Variants in CPNE8 observed in about 807,000 individuals in gnomAD.
CPNE8 encodes copine-8.
CPNE8 carries 45 observed loss-of-function variants against 81.5 expected under a neutral mutation model. The ratio of observed to expected loss-of-function variants is 0.55; its 90% CI spans 0.44 to 0.71. CPNE8 has a LOEUF of 0.71. Ranked by LOEUF, CPNE8 falls within the 30% of genes least tolerant of loss-of-function variation. The pLI is 0.00. For synonymous variants in CPNE8, 252 were observed against 226.3 expected, an observed-to-expected ratio of 1.11 and a Z score of -1.02; for missense variants, 594 against 672.1, an observed-to-expected ratio of 0.88 and a Z score of 1.28.
chr12:38,732,233 C>T (rs964721), intron 10 of CPNE8, among the ~76,000 whole-genome samples: 145,358 of 151,952 alleles, frequency 0.96, 69,690 homozygotes, highest in East Asian at 1. Context: ...ACTTAATTTC[C>T]GCCACACAAT....
At chr12:38,710,268 C>CAAAAAAAAAAAAAAAA (rs57376063) in intron 13 of CPNE8, among the ~76,000 whole-genome samples, 35 of 50,280 alleles carry the variant, frequency 7.0e-4, no homozygotes, top group East Asian at 1.3e-3. Context: ...AATAAGCTAA[C>CAAAAAAAAAAAAAAAA]AAAAAAAAAA....
intron 6 of CPNE8, among the ~76,000 whole-genome samples, chr12:38,799,552 T>C (rs946372288): frequency 1.3e-5 from 2 of 151,658 alleles, no homozygotes; most frequent in African/African-American, 4.8e-5. Context: ...AAGCAGTGTG[T>C]AGAGGGAAAT....
intron 11 of CPNE8, among the ~76,000 whole-genome samples, chr12:38,727,389 A>G (rs1166823901): frequency 6.6e-6 from 1 of 152,202 alleles, no homozygotes; most frequent in Non-Finnish European, 1.5e-5. Context: ...GAATATGGTA[A>G]TTATCCTGAT....
chr12:38,829,053 C>T (rs1325722850), intron 6 of CPNE8, among the ~76,000 whole-genome samples: 1 of 152,146 alleles, frequency 6.6e-6, no homozygotes, highest in Non-Finnish European at 1.5e-5. Context: ...CAGTTTACTA[C>T]ATATATTTAC....
intron 13 of CPNE8, among the ~76,000 whole-genome samples, chr12:38,720,438 C>T (rs1290143345): frequency 2.0e-5 from 3 of 151,996 alleles, no homozygotes; most frequent in East Asian, 1.9e-4. Context: ...AGATTTGCAC[C>T]GCTGACCGAA....
rs562607605 is a variant in CPNE8, at chr12:38,659,707, A to G, written c.1507-5637T>C. Among the ~76,000 whole-genome samples, 143 of 152,338 alleles carry G rather than the reference A, an allele frequency of 9.4e-4. 1 individual carries two copies. Among genetic ancestry groups the G allele is most frequent in the African/African-American group, 3.2e-3 (133 of 41,588 alleles). The stretch of plus-strand genomic sequence containing the variant: ...ATCACAACAAACTCTCTCTCAGACC[A>G]CAGTGCAATCAAATTAGAACTCAGG... On this transcript the variant is annotated intron_variant, in intron 19 of 19. Coordinates refer to ENST00000331366, the MANE Select transcript of CPNE8 (RefSeq NM_153634.3).
chr12:38,740,707 T>G (rs909491894), intron 10 of CPNE8, among the ~76,000 whole-genome samples: 1 of 152,218 alleles, frequency 6.6e-6, no homozygotes, highest in African/African-American at 2.4e-5. Flanking sequence ...GATTTGCATA[T>G]GTTGAACCAG....
At chr12:38,822,238 A>G (rs943254522) in intron 6 of CPNE8, among the ~76,000 whole-genome samples, 3 of 152,198 alleles carry the variant, frequency 2.0e-5, no homozygotes, top group Admixed American at 6.5e-5. Flanking sequence ...CTATCTTATA[A>G]AACCCAAACT....
intron 3 of CPNE8, among the ~76,000 whole-genome samples, chr12:38,851,941 C>A (rs116473241): frequency 6.6e-6 from 1 of 152,232 alleles, no homozygotes; most frequent in African/African-American, 2.4e-5. Context: ...TTTGCACCTG[C>A]TATTTCCTCT....
At chr12:38,858,693 T>C (rs1346959412) in intron 3 of CPNE8, among the ~76,000 whole-genome samples, 8 of 152,234 alleles carry the variant, frequency 5.3e-5, no homozygotes, top group Admixed American at 5.2e-4. Context: ...CTGTTTTTGC[T>C]AGTCCTCAAT....
chr12:38,655,782 A>G (rs1047780187), intron 19 of CPNE8, among the ~76,000 whole-genome samples: 4 of 152,124 alleles, frequency 2.6e-5, no homozygotes, highest in Non-Finnish European at 5.9e-5. Context: ...AAAGAAGAGA[A>G]GAAAACTATT....
At position 38,677,574 on chromosome 12, in the gene CPNE8, T is replaced by C; in HGVS notation, c.1272-20A>G. Reference sequence around the variant, plus strand: ...GCATATCTGAAAGGCAACGAAAAGGTAAGGAAAGTAAAACAGTTTTCTATA... The same window carrying C: ...GCATATCTGAAAGGCAACGAAAAGGCAAGGAAAGTAAAACAGTTTTCTATA... On this transcript the variant is annotated intron_variant, in intron 16 of 19. Transcript: ENST00000331366. The C allele has an allele frequency of 6.9e-7, 1 of 1,448,886 alleles. No individual in the cohort carries two copies. 89.8% of individuals were successfully genotyped at this position (1,448,886 alleles called of 1,614,324 possible).
chr12:38,857,700 C>A (rs1429924386), intron 3 of CPNE8, among the ~76,000 whole-genome samples: 2 of 152,100 alleles, frequency 1.3e-5, no homozygotes, highest in Non-Finnish European at 2.9e-5. Context: ...ATCACGAGGT[C>A]AGGAGTTCAA....
At chr12:38,657,265 T>A (rs1938842528) in intron 19 of CPNE8, among the ~76,000 whole-genome samples, 1 of 152,168 alleles carries the variant, frequency 6.6e-6, no homozygotes, top group Non-Finnish European at 1.5e-5. Context: ...CCACAGAGCC[T>A]TGCTCATAGC....
intron 10 of CPNE8, among the ~76,000 whole-genome samples, chr12:38,750,744 A>G (rs1235163936): frequency 6.6e-6 from 1 of 152,238 alleles, no homozygotes; most frequent in Admixed American, 6.5e-5. Flanking sequence ...CATAGGCAGA[A>G]GGGACTTGCC....
chr12:38,729,707 C>G (rs1248221371), intron 11 of CPNE8, among the ~76,000 whole-genome samples: 2 of 151,976 alleles, frequency 1.3e-5, no homozygotes, highest in African/African-American at 4.8e-5. Flanking sequence ...TGTACAGATG[C>G]CATAGCTCAA....
intron 19 of CPNE8, among the ~76,000 whole-genome samples, chr12:38,658,428 T>C (rs1938874521): frequency 6.6e-6 from 1 of 152,168 alleles, no homozygotes; most frequent in South Asian, 2.1e-4. Flanking sequence ...GTTTGATTGG[T>C]GTACCTGAAA....
intron 1 of CPNE8, among the ~76,000 whole-genome samples, chr12:38,884,520 C>T (rs888527553): frequency 2.6e-5 from 4 of 152,128 alleles, no homozygotes; most frequent in Admixed American, 1.3e-4. Context: ...TTTATGCGGA[C>T]ATATGGTTTC....
intron 6 of CPNE8, among the ~76,000 whole-genome samples, chr12:38,779,725 G>A (rs1211759944): frequency 2.0e-5 from 3 of 151,868 alleles, no homozygotes; most frequent in Non-Finnish European, 2.9e-5. Flanking sequence ...TGTGAAGCTC[G>A]TTTTATAATA....
Sources: gnomAD v4.1 joint callset for allele counts (sites outside exome capture counted in the v4.1 genomes callset) on GRCh38, gnomAD v4.1.1 for gene constraint, MANE v1.5 for transcripts, NCBI Gene and HGNC (gene_info 2026-07-23, HGNC 2026-07-21) for gene names.